Variants in UGT3A1 observed in about 807,000 individuals in gnomAD.
UGT3A1 encodes the protein UDP-glycosyltransferase 3A1.
Under a neutral mutation model 37.6 loss-of-function variants are expected in UGT3A1, and 40 were observed. The observed-to-expected ratio is 1.06, with a 90% confidence interval of 0.83 to 1.38. The LOEUF (loss-of-function observed/expected upper bound fraction) is 1.38, where lower values mean the gene tolerates loss of function less well. Among genes scored for constraint, UGT3A1 ranks in the 40% most tolerant of loss-of-function variants. The pLI is 0.00. For missense variants in UGT3A1, 642 were observed against 634.2 expected, an observed-to-expected ratio of 1.01 and a Z score of -0.13; for synonymous variants, 256 against 232.3, an observed-to-expected ratio of 1.10 and a Z score of -0.93.
At chr5:35,979,635 C>A (rs893324531) in intron 2 of UGT3A1, among the ~76,000 whole-genome samples, 6 of 152,168 alleles carry the variant, frequency 3.9e-5, no homozygotes, top group African/African-American at 1.4e-4. Flanking sequence ...TCCTTCTGAG[C>A]CCTCCAAACT....
intron 2 of UGT3A1, among the ~76,000 whole-genome samples, chr5:35,987,301 C>G (rs973036965): frequency 5.9e-5 from 9 of 152,098 alleles, no homozygotes; most frequent in African/African-American, 1.9e-4. Flanking sequence ...AATATTTCAT[C>G]TCAACCGCAG....
At chr5:35,960,878 A>G (rs542941221) in intron 4 of UGT3A1, 2 of 152,404 alleles carry the variant, frequency 1.3e-5, no homozygotes, top group African/African-American at 2.4e-5. Flanking sequence ...CTCCTCTCCA[A>G]TCGCCCCCAG....
upstream of UGT3A1, among the ~76,000 whole-genome samples, chr5:35,992,843 C>A (rs899537049): frequency 1.3e-5 from 2 of 152,058 alleles, no homozygotes; most frequent in African/African-American, 4.8e-5. Context: ...AATTTGGGGA[C>A]ACAAAACTCA....
chr5:35,996,142 T>G (rs1006323754), upstream of UGT3A1, among the ~76,000 whole-genome samples: 8 of 152,050 alleles, frequency 5.3e-5, no homozygotes, highest in Non-Finnish European at 1.0e-4. Context: ...ATCTGAAGAC[T>G]CTTGCCTCCC....
intron 2 of UGT3A1, among the ~76,000 whole-genome samples, chr5:35,973,536 T>C (rs1740137172): frequency 6.6e-6 from 1 of 152,108 alleles, no homozygotes; most frequent in Non-Finnish European, 1.5e-5. Flanking sequence ...AAAAATATAA[T>C]ACCAGATCTG....
chr5:35,957,159 A>G (rs1739385444), intron 5 of UGT3A1, 29 bp downstream of exon 5: 3 of 1,596,740 alleles, frequency 1.9e-6, no homozygotes, highest in Non-Finnish European at 2.6e-6. Flanking sequence ...GTCAATGGAA[A>G]GAGAAGAGCA....
chr5:35,994,095 G>C (rs945541555), upstream of UGT3A1, among the ~76,000 whole-genome samples: 2 of 152,012 alleles, frequency 1.3e-5, no homozygotes, highest in African/African-American at 4.8e-5. Flanking sequence ...AGGTGAGCCT[G>C]TCTGCTTTTG....
chr5:35,971,865 T>C (rs942277477), intron 2 of UGT3A1, among the ~76,000 whole-genome samples: 2 of 152,128 alleles, frequency 1.3e-5, no homozygotes, highest in Admixed American at 6.6e-5. Context: ...ACCACCCCAC[T>C]TGTGAAGCAT....
intron 1 of UGT3A1, 117 bp from the exon 2 acceptor site, chr5:35,988,668 T>C: frequency 1.3e-6 from 1 of 744,350 alleles, no homozygotes; most frequent in South Asian, 2.1e-5. Flanking sequence ...AGAGGAAATG[T>C]GAACAGTGAG....
chr5:35,971,152 TC>T, intron 2 of UGT3A1, among the ~76,000 whole-genome samples: 1 of 152,104 alleles, frequency 6.6e-6, no homozygotes, highest in East Asian at 1.9e-4. Flanking sequence ...TATCCAACTT[TC>T]CCTAGGAGCA....
At chr5:35,995,769 A>T (rs1423083723), upstream of UGT3A1, among the ~76,000 whole-genome samples, 1 of 152,250 alleles carries the variant, frequency 6.6e-6, no homozygotes, top group Non-Finnish European at 1.5e-5. Context: ...ATTGGAATAA[A>T]ATCCAACAAT....
chr5:35,964,892 A>G (rs1014409079), intron 4 of UGT3A1, among the ~76,000 whole-genome samples: 5 of 152,170 alleles, frequency 3.3e-5, no homozygotes, highest in African/African-American at 1.2e-4. Context: ...TCTAGGTGGA[A>G]CCAGGAGCCA....
rs536993821 is a variant in UGT3A1 at position 35,970,306 on chromosome 5, C to G, written c.197-2173G>C. Among the ~76,000 whole-genome samples, 93 of 151,956 alleles carry G rather than the reference C, an allele frequency of 6.1e-4. 1 individual carries two copies. Among genetic ancestry groups the G allele is most frequent in the Admixed American group, 1.7e-3 (26 of 15,230 alleles). On this transcript the variant is annotated intron_variant, in intron 2 of 6. Transcript: ENST00000274278. ...ACTCAGGAGGCTGAGGCAGGAGAAT[C>G]ACTTGAACCTGGGAGGCAGAGGTTG...
intron 2 of UGT3A1, among the ~76,000 whole-genome samples, chr5:35,986,303 A>C (rs558352222): frequency 3.0e-4 from 46 of 152,278 alleles, no homozygotes; most frequent in Admixed American, 5.2e-4. Flanking sequence ...CATATGATGC[A>C]GCAATTCCAC....
At position 35,952,472 on chromosome 5, in the gene UGT3A1, C is replaced by A. The variant is rs550974060; in HGVS notation, c.*1730G>T. ...CAAGATTAGAAGCATCATTCTGGCT[C>A]ATTGGCTGCTTATGATCAGATTTTA... is the stretch of plus-strand genomic sequence containing the variant. On this transcript the variant is annotated 3_prime_UTR_variant, in exon 7 of 7. Transcript: ENST00000274278. The A allele has an allele frequency of 1.3e-5, 2 of 152,302 alleles. No homozygotes were observed. Among genetic ancestry groups the A allele is most frequent in the South Asian group, 4.2e-4 (2 of 4,818 alleles). 9.4% of individuals were successfully genotyped at this position (152,302 alleles called of 1,614,324 possible). A position where few individuals can be genotyped will look rare whatever the true frequency, so the allele number is the denominator to read the frequency against.
At chr5:35,967,760 T>C (rs1739869287) in intron 3 of UGT3A1, among the ~76,000 whole-genome samples, 1 of 152,180 alleles carries the variant, frequency 6.6e-6, no homozygotes, top group African/African-American at 2.4e-5. Context: ...AAGGACACTA[T>C]AGACTCAATT....
Position 35,955,741 on chromosome 5 carries a change from C to G in UGT3A1, c.1199G>C (p.Arg400Pro), listed in dbSNP as rs763080249. The G allele has an allele frequency of 1.9e-6, 3 of 1,614,026 alleles. No homozygotes were observed. Among genetic ancestry groups the G allele is most frequent in the Non-Finnish European group, 2.5e-6 (3 of 1,180,044 alleles). The change falls in exon 6 of 7, where the codon CGA becomes CCA. Residue 400 changes from arginine (R) to proline (P), a missense_variant. By Grantham distance (103) the Arg-to-Pro change is moderately radical (BLOSUM62 -2). Transcript: ENST00000274278. ...GACACCATAATTTTTGGCTACTACT[C>G]GGACCATGTTTCCATGCTGGTCTCC... Reference protein sequence around the residue: ...VNGDQHGNMVRVVAKNYGVSI... With the variant: ...VNGDQHGNMVPVVAKNYGVSI...
At chr5:35,977,380 C>T (rs1470433336) in intron 2 of UGT3A1, among the ~76,000 whole-genome samples, 2 of 152,038 alleles carry the variant, frequency 1.3e-5, no homozygotes, top group Non-Finnish European at 2.9e-5. Context: ...GGATGTTTGC[C>T]CCCTCCAAAT....
intron 2 of UGT3A1, among the ~76,000 whole-genome samples, chr5:35,982,244 A>G (rs1157622600): frequency 6.6e-6 from 1 of 152,236 alleles, no homozygotes; most frequent in Non-Finnish European, 1.5e-5. Context: ...GGCATTGCCT[A>G]GTGGAGCTGT....
Sources: gnomAD v4.1 joint callset for allele counts (sites outside exome capture counted in the v4.1 genomes callset) on GRCh38, gnomAD v4.1.1 for gene constraint, MANE v1.5 for transcripts, NCBI Gene and HGNC (gene_info 2026-07-23, HGNC 2026-07-21) for gene names.